The following CHODL variants were observed in gnomAD, a reference collection of about 807,000 sequenced individuals.
The protein encoded by CHODL is transmembrane protein MT75.
A neutral mutation model predicts 34.5 loss-of-function variants in CHODL; 29 were observed. That is an observed-to-expected ratio of 0.84 (90% CI 0.63 to 1.15). CHODL has a LOEUF of 1.15. Among genes scored for constraint, CHODL ranks in the 50% most tolerant of loss-of-function variants. The pLI is 0.00. For missense variants in CHODL, 332 were observed against 332.5 expected (o/e 1.00, Z 0.01); for synonymous variants, 125 against 116.1 (o/e 1.08, Z -0.49).
At chr21:17,997,446 T>A (rs1361337072) in intron 1 of CHODL, among the ~76,000 whole-genome samples, 1 of 152,222 alleles carries the variant, frequency 6.6e-6, no homozygotes, top group Non-Finnish European at 1.5e-5. Flanking sequence ...CAACATTCCC[T>A]GGGCTTGGCA....
chr21:18,174,123 G>GTATATATATATA (rs1159511070), intron 2 of CHODL, among the ~76,000 whole-genome samples: 22 of 21,526 alleles, frequency 1.0e-3, no homozygotes, highest in African/African-American at 1.4e-3. Flanking sequence ...ATATCTTGGT[G>GTATATATATATA]TATATATATA....
intron 2 of CHODL, among the ~76,000 whole-genome samples, chr21:18,198,218 C>G (rs909919658): frequency 1.5e-4 from 23 of 152,116 alleles, no homozygotes; most frequent in African/African-American, 5.1e-4. Flanking sequence ...TAGGTAGATA[C>G]AATAGTTTAT....
Position 17,950,497 on chromosome 21 carries a change from AACACAC to A in CHODL, c.-145+33130_-145+33135del, listed in dbSNP as rs200120318. Among the ~76,000 whole-genome samples, 205 of 130,388 alleles carry A rather than the reference AACACAC, an allele frequency of 1.6e-3. 1 individual carries two copies. The East Asian group carries it at 0.02, about 13-fold the overall frequency. The allele number at this position is 130,388 out of a possible 152,430, so 85.5% of individuals were successfully genotyped here. On this transcript the variant is annotated intron_variant, in intron 1 of 6. Transcript: ENST00000400127. ...TCATAACAAGAAATCCTAGATACAC[AACACAC>A]ACACACACACACACACACACACACA... is the stretch of plus-strand genomic sequence containing the variant.
At chr21:18,140,877 C>T (rs1036805666) in intron 2 of CHODL, among the ~76,000 whole-genome samples, 11 of 151,370 alleles carry the variant, frequency 7.3e-5, no homozygotes, top group South Asian at 4.1e-4. Flanking sequence ...TTTGAAAATG[C>T]GAATTTTGAT....
chr21:18,187,584 C>A (rs1010070563), intron 2 of CHODL, among the ~76,000 whole-genome samples: 1 of 152,110 alleles, frequency 6.6e-6, no homozygotes, highest in African/African-American at 2.4e-5. Flanking sequence ...TTAATAATAG[C>A]TCTCAAGGCT....
At chr21:18,260,414 T>C in intron 4 of CHODL, 128 bp downstream of exon 4, 1 of 566,624 alleles carries the variant, frequency 1.8e-6, no homozygotes. Flanking sequence ...CCTATGGACA[T>C]TTACTTTTGA....
At chr21:18,238,626 G>T (rs1169528689) in intron 2 of CHODL, among the ~76,000 whole-genome samples, 1 of 151,980 alleles carries the variant, frequency 6.6e-6, no homozygotes, top group African/African-American at 2.4e-5. Flanking sequence ...TGCTGTGGAT[G>T]GGTGGTGGAA....
chr21:17,982,882 C>CT (rs2063725387), intron 1 of CHODL, among the ~76,000 whole-genome samples: 1 of 151,284 alleles, frequency 6.6e-6, no homozygotes, highest in African/African-American at 2.4e-5. Context: ...CTCCAACCCC[C>CT]CCCAGCTAAT....
At chr21:18,174,324 AT>A (rs1422541378) in intron 2 of CHODL, among the ~76,000 whole-genome samples, 4 of 151,406 alleles carry the variant, frequency 2.6e-5, no homozygotes, top group Non-Finnish European at 4.4e-5. Flanking sequence ...TTTTCTTGCA[AT>A]TTTTTTATAC....
intron 2 of CHODL, among the ~76,000 whole-genome samples, chr21:18,140,273 A>G (rs1295187200): frequency 6.6e-6 from 1 of 152,186 alleles, no homozygotes; most frequent in Non-Finnish European, 1.5e-5. Context: ...GCTTTCTTAC[A>G]AAATGGGAGG....
intron 1 of CHODL, among the ~76,000 whole-genome samples, chr21:18,252,925 C>A (rs920025585): frequency 1.3e-5 from 2 of 152,236 alleles, no homozygotes; most frequent in African/African-American, 2.4e-5. Flanking sequence ...CACAGCCTGG[C>A]ACAGAGAGTG....
At position 17,925,549 on chromosome 21, in the gene CHODL, G is replaced by A. The variant is rs375731625; in HGVS notation, c.-145+8149G>A. On this transcript the variant is annotated intron_variant, in intron 1 of 6. Transcript: ENST00000400127. ...AGAAGGCTTTGAATAAATGCTTGTT[G>A]AATAAATAAACAAGGAGCTACTCCT... Among the ~76,000 whole-genome samples, 159 of 152,310 alleles carry A rather than the reference G, an allele frequency of 1.0e-3. 1 individual carries two copies. The highest frequency in any genetic ancestry group is 3.8e-3 in the African/African-American group (156 of 41,568).
At chr21:18,227,622 A>G (rs2073942448) in intron 2 of CHODL, among the ~76,000 whole-genome samples, 1 of 152,168 alleles carries the variant, frequency 6.6e-6, no homozygotes, top group East Asian at 1.9e-4. Flanking sequence ...GTTACCATCT[A>G]TGCAATGACA....
intron 2 of CHODL, among the ~76,000 whole-genome samples, chr21:18,191,802 G>T (rs1392529026): frequency 6.6e-6 from 1 of 152,112 alleles, no homozygotes; most frequent in Non-Finnish European, 1.5e-5. Context: ...AGGAGGTTGG[G>T]GGCAGGGAGA....
intron 2 of CHODL, among the ~76,000 whole-genome samples, chr21:18,071,118 T>C (rs2064799196): frequency 6.6e-6 from 1 of 151,422 alleles, no homozygotes; most frequent in Non-Finnish European, 1.5e-5. Flanking sequence ...AAAATCCTAC[T>C]CTTCCTACTT....
At chr21:18,063,870 C>G (rs2064698751) in intron 2 of CHODL, among the ~76,000 whole-genome samples, 1 of 152,150 alleles carries the variant, frequency 6.6e-6, no homozygotes, top group African/African-American at 2.4e-5. Flanking sequence ...CACTCACTCT[C>G]TCTTTTTCTC....
chr21:18,170,509 T>G (rs1031665266), intron 2 of CHODL, among the ~76,000 whole-genome samples: 1 of 152,282 alleles, frequency 6.6e-6, no homozygotes, highest in Admixed American at 6.5e-5. Flanking sequence ...TTATTTGGGG[T>G]TAAACAGGTA....
intron 2 of CHODL, among the ~76,000 whole-genome samples, chr21:18,047,362 G>A (rs1025836547): frequency 6.6e-6 from 1 of 151,922 alleles, no homozygotes; most frequent in African/African-American, 2.4e-5. Context: ...AGACTACAGA[G>A]TGCAGAGGCC....
At chr21:18,224,051 A>G (rs1239382199) in intron 2 of CHODL, among the ~76,000 whole-genome samples, 1 of 152,174 alleles carries the variant, frequency 6.6e-6, no homozygotes, top group Non-Finnish European at 1.5e-5. Flanking sequence ...AATGGAATAA[A>G]TGAGGAAGAG....
Sources: gnomAD v4.1 joint callset for allele counts (sites outside exome capture counted in the v4.1 genomes callset) on GRCh38, gnomAD v4.1.1 for gene constraint, MANE v1.5 for transcripts, NCBI Gene and HGNC (gene_info 2026-07-23, HGNC 2026-07-21) for gene names.